Variants in RBFOX1 observed in about 807,000 individuals in gnomAD.
RBFOX1 encodes the protein RNA binding fox-1 homolog 1.
Under a neutral mutation model 57.7 loss-of-function variants are expected in RBFOX1, and 8 were observed. The observed-to-expected ratio is 0.14, with a 90% CI of 0.08 to 0.25. RBFOX1 has a LOEUF of 0.25. Ranked by LOEUF, RBFOX1 falls within the 10% of genes least tolerant of loss-of-function variation. The pLI is 1.00. For synonymous variants in RBFOX1, 326 were observed against 222.4 expected, an observed-to-expected ratio of 1.47 and a Z score of -4.15; for missense variants, 611 against 548.5, an observed-to-expected ratio of 1.11 and a Z score of -1.14.
chr16:7,164,661 C>T (rs145060676), intron 4 of RBFOX1, among the ~76,000 whole-genome samples: 77 of 152,322 alleles, frequency 5.1e-4, no homozygotes, highest in Middle Eastern at 3.4e-3. Context: ...CAAACACACA[C>T]AATGACATTT....
chr16:7,395,429 C>G (rs549960887), intron 4 of RBFOX1, among the ~76,000 whole-genome samples: 2 of 152,192 alleles, frequency 1.3e-5, no homozygotes, highest in African/African-American at 4.8e-5. Flanking sequence ...AGGGTATTAA[C>G]TGTGGAGCCA....
At chr16:7,618,237 T>A (rs1035685919) in intron 10 of RBFOX1, among the ~76,000 whole-genome samples, 1 of 152,166 alleles carries the variant, frequency 6.6e-6, no homozygotes. Context: ...AAAATAACAA[T>A]TATAATTAAA....
In RBFOX1 at chr16:7,712,056, T is replaced by TA. The variant is rs2084075624; in HGVS notation, c.*1313dup. 6.6e-6 allele frequency: 1 copy of TA among 152,494 alleles called. No individual in the cohort carries two copies. Among genetic ancestry groups the TA allele is most frequent in the South Asian group, 2.1e-4 (1 of 4,808 alleles). 9.4% of individuals were successfully genotyped at this position (152,494 alleles called of 1,614,324 possible). ...AAAGAAAAAAGTACATCCACCCTCT[T>TA]AATCCCAAAAGAACAAAGTCTCCCC... is the stretch of plus-strand genomic sequence containing the variant. On this transcript the variant is annotated 3_prime_UTR_variant, in exon 16 of 16. Coordinates refer to ENST00000550418, the MANE Select transcript of RBFOX1 (RefSeq NM_018723.4).
chr16:6,049,956 G>GTTTT (rs3048284), intron 1 of RBFOX1, among the ~76,000 whole-genome samples: 25 of 135,166 alleles, frequency 1.8e-4, no homozygotes, highest in South Asian at 2.4e-4. Flanking sequence ...AGCTTAAAAC[G>GTTTT]TTTTTTTTTT....
chr16:6,439,625 C>T (rs750291208), intron 2 of RBFOX1, among the ~76,000 whole-genome samples: 1 of 152,120 alleles, frequency 6.6e-6, no homozygotes, highest in Non-Finnish European at 1.5e-5. Context: ...ATTGTTTCCC[C>T]GAACCACTAT....
At chr16:5,478,995 C>A (rs1397717204) in intron 2 of RBFOX1, among the ~76,000 whole-genome samples, 4 of 152,162 alleles carry the variant, frequency 2.6e-5, no homozygotes, top group Admixed American at 2.6e-4. Context: ...CCTACCCATA[C>A]CTTTATGAAT....
intron 4 of RBFOX1, among the ~76,000 whole-genome samples, chr16:6,006,415 G>T (rs2094927598): frequency 6.6e-6 from 1 of 152,078 alleles, no homozygotes; most frequent in Non-Finnish European, 1.5e-5. Context: ...TTCTGCTGGA[G>T]TTAGTAGTCA....
intron 4 of RBFOX1, among the ~76,000 whole-genome samples, chr16:7,235,058 C>G (rs2093700820): frequency 6.6e-6 from 1 of 152,106 alleles, no homozygotes; most frequent in Non-Finnish European, 1.5e-5. Flanking sequence ...TTCTTCTTAG[C>G]AAGACAAGCT....
chr16:7,475,589 A>G (rs1004493712), intron 4 of RBFOX1, among the ~76,000 whole-genome samples: 2 of 152,134 alleles, frequency 1.3e-5, no homozygotes, highest in Admixed American at 1.3e-4. Flanking sequence ...CTGGGATTAC[A>G]GGTGTGAGCC....
chr16:5,669,323 A>G (rs186697853), intron 3 of RBFOX1, among the ~76,000 whole-genome samples: 1 of 151,634 alleles, frequency 6.6e-6, no homozygotes, highest in South Asian at 2.1e-4. Flanking sequence ...GAGGGAGCCA[A>G]GTTTCTGCAA....
chr16:5,611,856 A>C (rs1232549423), intron 3 of RBFOX1, among the ~76,000 whole-genome samples: 1 of 136,808 alleles, frequency 7.3e-6, no homozygotes, highest in African/African-American at 2.7e-5. Context: ...TACTGTGTGC[A>C]GTAGCTCATA....
At chr16:5,914,118 G>C (rs1380182837) in intron 4 of RBFOX1, among the ~76,000 whole-genome samples, 1 of 152,180 alleles carries the variant, frequency 6.6e-6, no homozygotes, top group Non-Finnish European at 1.5e-5. Flanking sequence ...GTCTCATTTG[G>C]TGATGGCAGC....
intron 1 of RBFOX1, among the ~76,000 whole-genome samples, chr16:6,276,625 GA>G (rs2075828084): frequency 6.6e-6 from 1 of 152,190 alleles, no homozygotes; most frequent in African/African-American, 2.4e-5. Context: ...TTACAGGCAT[GA>G]GCCTCCGCGC....
Position 6,277,668 on chromosome 16 carries a change from A to C in RBFOX1, c.-126-39327A>C, listed in dbSNP as rs1335859855. ...GCTACAGAGAAAGACCTTGTCTCAAAAAAAAAAAAAAAAAAAAATGTCCAT... is the reference window on the plus strand; with the variant it reads ...GCTACAGAGAAAGACCTTGTCTCAACAAAAAAAAAAAAAAAAAATGTCCAT... On this transcript the variant is annotated intron_variant, in intron 1 of 15. Transcript: ENST00000550418. Among the ~76,000 whole-genome samples, 6 of 14,798 alleles carry C rather than the reference A, an allele frequency of 4.1e-4. No homozygotes were observed. In the East Asian group the frequency reaches 0.068, roughly 167 times the overall value. 9.7% of individuals were successfully genotyped at this position (14,798 alleles called of 152,430 possible).
At chr16:6,707,826 C>T (rs2063037261) in intron 3 of RBFOX1, among the ~76,000 whole-genome samples, 1 of 152,160 alleles carries the variant, frequency 6.6e-6, no homozygotes, top group Non-Finnish European at 1.5e-5. Flanking sequence ...CATCCGCCTT[C>T]TCCTTCCCCA....
intron 2 of RBFOX1, among the ~76,000 whole-genome samples, chr16:5,513,250 C>T (rs2043670843): frequency 6.6e-6 from 1 of 152,102 alleles, no homozygotes; most frequent in Admixed American, 6.6e-5. Flanking sequence ...GTTTTCAGCT[C>T]AGGGTATCTT....
intron 3 of RBFOX1, among the ~76,000 whole-genome samples, chr16:6,983,969 C>T (rs2089628321): frequency 6.6e-6 from 1 of 152,152 alleles, no homozygotes; most frequent in African/African-American, 2.4e-5. Flanking sequence ...TGGATCTGGC[C>T]TGGAGTGGTG....
chr16:6,607,850 A>G (rs17140732), intron 2 of RBFOX1, among the ~76,000 whole-genome samples: 11,576 of 152,252 alleles, frequency 0.076, 1,091 homozygotes, highest in East Asian at 0.22. Flanking sequence ...CATGACTTAC[A>G]TCCTCATTTA....
intron 11 of RBFOX1, among the ~76,000 whole-genome samples, chr16:7,636,476 G>A (rs1048626670): frequency 1.3e-5 from 2 of 152,164 alleles, no homozygotes. Context: ...ACCTATGAAT[G>A]GTTCAGATGT....
Sources: allele counts gnomAD v4.1 joint callset (sites outside exome capture counted in the v4.1 genomes callset), GRCh38; gene constraint gnomAD v4.1.1; transcripts MANE v1.5; gene names NCBI Gene and HGNC (gene_info 2026-07-23, HGNC 2026-07-21).